Variants in SRGAP3 observed in about 807,000 individuals in gnomAD.
SRGAP3 encodes SLIT-ROBO Rho GTPase activating protein 3.
SRGAP3 carries 39 observed loss-of-function variants against 121.1 expected under a neutral mutation model. That is an observed-to-expected ratio of 0.32 (90% CI 0.25 to 0.42). The LOEUF (loss-of-function observed/expected upper bound fraction) is 0.42, where lower values mean the gene tolerates loss of function less well. SRGAP3 is among the 10% of genes least tolerant of loss of function. SRGAP3 has a pLI of 1.00. For missense variants in SRGAP3, 1,213 were observed against 1,470.6 expected (o/e 0.82, Z 2.86); for synonymous variants, 601 against 570.0 (o/e 1.05, Z -0.77).
intron 1 of SRGAP3, 85 bp from the exon 2 acceptor site, chr3:9,125,002 C>T: frequency 6.6e-7 from 1 of 1,505,170 alleles, no homozygotes; most frequent in South Asian, 1.2e-5. Flanking sequence ...CTGGGCCCTG[C>T]AATTCAGGCA....
At chr3:9,079,245 T>C (rs767921436) in intron 4 of SRGAP3, among the ~76,000 whole-genome samples, 1 of 152,150 alleles carries the variant, frequency 6.6e-6, no homozygotes, top group Non-Finnish European at 1.5e-5. Flanking sequence ...TCTGTTCTGA[T>C]TGGGTAGGAT....
chr3:9,330,575 C>T (rs1218196801), exon 2 of SRGAP3: 4 of 154,294 alleles, frequency 2.6e-5, no homozygotes, highest in Admixed American at 1.3e-4. Context: ...AGCTCCACTT[C>T]GGATCCCACT....
At chr3:9,058,596 C>T in intron 6 of SRGAP3, 124 bp from the exon 7 acceptor site, 1 of 1,031,738 alleles carries the variant, frequency 9.7e-7, no homozygotes, top group Non-Finnish European at 1.5e-6. Context: ...TCCCGGAGGC[C>T]CCAAGGCACT....
chr3:9,070,625 G>A (rs1048700798), intron 4 of SRGAP3, among the ~76,000 whole-genome samples: 6 of 152,144 alleles, frequency 3.9e-5, no homozygotes, highest in Non-Finnish European at 7.4e-5. Flanking sequence ...GTGGGTGGGT[G>A]GATAAATGCA....
chr3:9,281,827 C>G (rs1437725135), intron 3 of SRGAP3, among the ~76,000 whole-genome samples: 1 of 152,048 alleles, frequency 6.6e-6, no homozygotes, highest in African/African-American at 2.4e-5. Context: ...CATGCACCAC[C>G]ACGCCTGGCT....
intron 1 of SRGAP3, among the ~76,000 whole-genome samples, chr3:9,234,654 C>A (rs1953340145): frequency 1.3e-5 from 2 of 152,192 alleles, no homozygotes; most frequent in African/African-American, 2.4e-5. Flanking sequence ...GGAAAACTTA[C>A]TGATCTACAT....
At position 9,131,119 on chromosome 3, in the gene SRGAP3, C is replaced by T. The variant is rs74525438; in HGVS notation, c.68-6202G>A. Among the ~76,000 whole-genome samples the T allele has an allele frequency of 6.5e-4, 99 of 152,330 alleles. 3 individuals carry two copies. The East Asian group carries it at 0.015, about 23-fold the overall frequency. ...CATCCAAGTTGCTGCTAGGAGCCTA[C>T]GAGCTGGCACAGATTTGGGTTTTCT... On this transcript the variant is annotated intron_variant, in intron 1 of 21. Coordinates refer to ENST00000383836, the MANE Select transcript of SRGAP3 (RefSeq NM_014850.4).
intron 1 of SRGAP3, among the ~76,000 whole-genome samples, chr3:9,153,271 A>C (rs951714712): frequency 6.6e-6 from 1 of 152,178 alleles, no homozygotes; most frequent in African/African-American, 2.4e-5. Flanking sequence ...AATAATAATA[A>C]TAGGTAACAT....
At chr3:9,253,840 G>A (rs147322454), upstream of SRGAP3, among the ~76,000 whole-genome samples, 7 of 152,290 alleles carry the variant, frequency 4.6e-5, no homozygotes, top group African/African-American at 1.7e-4. Flanking sequence ...CCCTGGGAGG[G>A]GACGGAATGG....
chr3:9,309,848 C>A (rs1300893285), intron 3 of SRGAP3, among the ~76,000 whole-genome samples: 1 of 152,060 alleles, frequency 6.6e-6, no homozygotes, highest in Non-Finnish European at 1.5e-5. Context: ...CAGAGTGAGA[C>A]CCTGTCTCAA....
intron 10 of SRGAP3, 103 bp from the exon 11 acceptor site, chr3:9,038,193 A>G: frequency 1.4e-6 from 2 of 1,453,606 alleles, no homozygotes; most frequent in Non-Finnish European, 9.5e-7. Context: ...TTAATTATTT[A>G]TGAAATATGA....
intron 1 of SRGAP3, among the ~76,000 whole-genome samples, chr3:9,135,365 G>A (rs1446359139): frequency 6.6e-6 from 1 of 152,242 alleles, no homozygotes; most frequent in Non-Finnish European, 1.5e-5. Context: ...TCCAACAAGA[G>A]CAGTGTAATG....
chr3:9,064,588 G>A lies in SRGAP3; in HGVS notation c.487-7C>T, dbSNP rs753418912. 27 of 1,613,846 alleles carry A rather than the reference G, an allele frequency of 1.7e-5. No homozygotes were observed. Among genetic ancestry groups the A allele is most frequent in the Non-Finnish European group, 2.2e-5 (26 of 1,179,968 alleles). ...TGTGGTAGGTTTTCATGACCTGGGG[G>A]TGCACAAGTAGGGGAAATCAGCAGC... On this transcript the variant is annotated splice_region_variant and splice_polypyrimidine_tract_variant and intron_variant, in intron 4 of 21. Coordinates refer to ENST00000383836, the MANE Select transcript of SRGAP3 (RefSeq NM_014850.4).
Position 8,985,408 on chromosome 3 carries a change from G to T in SRGAP3, c.*111C>A. On this transcript the variant is annotated 3_prime_UTR_variant, in exon 22 of 22. Coordinates refer to ENST00000383836, the MANE Select transcript of SRGAP3 (RefSeq NM_014850.4). This position sits in a 1 kb window ranked among gnomAD's most constrained non-coding sequence, Gnocchi z 5.1. Reference sequence around the variant, plus strand: ...CTGCACAGACACACCCTCCCAGACGGACCTCTGCCCTCCAAGGCCAGGGTC... The same window carrying T: ...CTGCACAGACACACCCTCCCAGACGTACCTCTGCCCTCCAAGGCCAGGGTC... 1 of 1,535,194 alleles carries T rather than the reference G, an allele frequency of 6.5e-7. No homozygotes were observed. Among genetic ancestry groups the T allele is most frequent in the Non-Finnish European group, 8.7e-7 (1 of 1,148,242 alleles).
intron 1 of SRGAP3, chr3:9,355,978 A>G (rs1296024185): frequency 6.6e-6 from 1 of 152,184 alleles, no homozygotes; most frequent in Non-Finnish European, 1.5e-5. Flanking sequence ...TACTTCCATG[A>G]TAACAGCATT....
intron 3 of SRGAP3, among the ~76,000 whole-genome samples, chr3:9,303,346 A>T (rs1465848263): frequency 2.7e-5 from 4 of 149,816 alleles, no homozygotes; most frequent in African/African-American, 9.9e-5. Context: ...AATTGCTTGA[A>T]CCCGGGAGGT....
At chr3:9,137,760 G>C (rs1028882647) in intron 1 of SRGAP3, among the ~76,000 whole-genome samples, 2 of 152,170 alleles carry the variant, frequency 1.3e-5, no homozygotes, top group Admixed American at 6.5e-5. Context: ...GGGAGAGAGG[G>C]TTTTCCCATA....
intron 8 of SRGAP3, among the ~76,000 whole-genome samples, chr3:9,055,104 C>G (rs1219238207): frequency 6.6e-5 from 10 of 152,190 alleles, no homozygotes; most frequent in Admixed American, 6.5e-4. Context: ...ACACTCTGTT[C>G]ATCTCCTGTC....
chr3:9,301,616 T>C (rs1955056336), intron 3 of SRGAP3, among the ~76,000 whole-genome samples: 2 of 152,222 alleles, frequency 1.3e-5, no homozygotes, highest in African/African-American at 2.4e-5. Context: ...CTGTGGCTCC[T>C]TTGGGAGCCT....
Sources: allele counts gnomAD v4.1 joint callset (sites outside exome capture counted in the v4.1 genomes callset), GRCh38; gene constraint gnomAD v4.1.1; non-coding constraint Gnocchi (gnomAD v3.1); transcripts MANE v1.5; gene names NCBI Gene and HGNC (gene_info 2026-07-23, HGNC 2026-07-21).